Variants in TRPC3 observed in about 807,000 individuals in gnomAD.
TRPC3 encodes transient receptor potential cation channel subfamily C member 3.
A neutral mutation model predicts 90.9 loss-of-function variants in TRPC3; 54 were observed. The ratio of observed to expected loss-of-function variants is 0.59; its 90% CI spans 0.48 to 0.75. The LOEUF is 0.75. TRPC3 is among the 30% of genes least tolerant of loss of function. The probability of loss-of-function intolerance (pLI) is 0.00; values close to 1 mark genes in which losing one functional copy is unlikely to be tolerated. For synonymous variants in TRPC3, 424 were observed against 450.9 expected, an observed-to-expected ratio of 0.94 and a Z score of 0.75; for missense variants, 918 against 1,194.5, an observed-to-expected ratio of 0.77 and a Z score of 3.41.
At chr4:121,882,181 C>A (rs2149103562) in intron 11 of TRPC3, among the ~76,000 whole-genome samples, 173 bp downstream of exon 11, 2 of 152,170 alleles carry the variant, frequency 1.3e-5, no homozygotes, top group Middle Eastern at 3.4e-3. Context: ...TTGTAAATAA[C>A]TGTTTATTTT....
chr4:121,894,381 G>T (rs1728437296), intron 10 of TRPC3, among the ~76,000 whole-genome samples: 1 of 151,874 alleles, frequency 6.6e-6, no homozygotes, highest in Admixed American at 6.6e-5. Context: ...TCTAAAGGGA[G>T]AAATATATCC....
intron 10 of TRPC3, among the ~76,000 whole-genome samples, chr4:121,886,956 C>T (rs901251234): frequency 6.6e-6 from 1 of 152,146 alleles, no homozygotes; most frequent in Non-Finnish European, 1.5e-5. Context: ...AGAGGCAGTT[C>T]CTAAGTTGTT....
chr4:121,903,570 C>A (rs1422352009), intron 8 of TRPC3, among the ~76,000 whole-genome samples: 23 of 152,118 alleles, frequency 1.5e-4, no homozygotes. Context: ...GTCACATAAG[C>A]CCCTGAGTGC....
chr4:121,893,166 T>C (rs538563846), intron 10 of TRPC3, among the ~76,000 whole-genome samples: 85 of 151,036 alleles, frequency 5.6e-4, no homozygotes, highest in Non-Finnish European at 9.5e-4. Context: ...TAGGAAATTC[T>C]GTAAAATAAA....
At chr4:121,886,741 C>A (rs1475962946) in intron 10 of TRPC3, among the ~76,000 whole-genome samples, 1 of 151,920 alleles carries the variant, frequency 6.6e-6, no homozygotes, top group Non-Finnish European at 1.5e-5. Flanking sequence ...ACCTGCAAAC[C>A]TATTGATTGA....
At chr4:121,884,882 C>T (rs1475025927) in intron 10 of TRPC3, among the ~76,000 whole-genome samples, 2 of 152,102 alleles carry the variant, frequency 1.3e-5, no homozygotes, top group Admixed American at 6.6e-5. Context: ...GAACACAGTC[C>T]CCAGTCCAGT....
intron 3 of TRPC3, among the ~76,000 whole-genome samples, chr4:121,923,181 G>A (rs1276402862): frequency 6.6e-6 from 1 of 152,146 alleles, no homozygotes; most frequent in African/African-American, 2.4e-5. Context: ...ATCAGTGGAA[G>A]GGGCCATATG....
chr4:121,907,302 C>G lies in TRPC3; in HGVS notation c.2057+1G>C, dbSNP rs202172262. On this transcript the variant is annotated splice_donor_variant, in intron 7 of 11. Coordinates refer to ENST00000379645, the MANE Select transcript of TRPC3 (RefSeq NM_001130698.2). LOFTEE classifies it high-confidence loss of function. ...CCTGTATAATAAGATATTTTACTTA[C>G]GTGGTAAAAGCAGCATTAACTTTAG... The G allele has an allele frequency of 1.2e-6, 2 of 1,602,100 alleles. No individual in the cohort carries two copies. Among genetic ancestry groups the G allele is most frequent in the East Asian group, 4.5e-5 (2 of 44,802 alleles).
intron 10 of TRPC3, among the ~76,000 whole-genome samples, chr4:121,884,414 G>A (rs1410783788): frequency 6.6e-6 from 1 of 152,020 alleles, no homozygotes. Flanking sequence ...TCAGGTCGGT[G>A]GTGGTTTCAT....
At chr4:121,938,016 A>AT (rs2149147413) in intron 1 of TRPC3, among the ~76,000 whole-genome samples, 1 of 148,056 alleles carries the variant, frequency 6.8e-6, no homozygotes, top group African/African-American at 2.6e-5. Flanking sequence ...GTCTGAATTT[A>AT]TTTAAAAAAA....
At chr4:121,946,544 T>C (rs560453149) in intron 1 of TRPC3, among the ~76,000 whole-genome samples, 1 of 152,306 alleles carries the variant, frequency 6.6e-6, no homozygotes, top group African/African-American at 2.4e-5. Context: ...TTAAATAAGA[T>C]ATTAACCAGA....
At chr4:121,914,403 T>C (rs1370680748) in intron 4 of TRPC3, among the ~76,000 whole-genome samples, 1 of 152,250 alleles carries the variant, frequency 6.6e-6, no homozygotes, top group Non-Finnish European at 1.5e-5. Context: ...TTCTTGGTAC[T>C]ACTGCAGCAG....
At chr4:121,909,744 G>A (rs1729018381) in intron 6 of TRPC3, among the ~76,000 whole-genome samples, 1 of 152,124 alleles carries the variant, frequency 6.6e-6, no homozygotes, top group Admixed American at 6.6e-5. Flanking sequence ...CTGCAGAGCA[G>A]TTTGGCAACT....
At position 121,921,909 on chromosome 4, in the gene TRPC3, GTTTT is replaced by G. The variant is rs1201010547; in HGVS notation, c.1176+3105_1176+3108del. On this transcript the variant is annotated intron_variant, in intron 3 of 11. Coordinates refer to ENST00000379645, the MANE Select transcript of TRPC3 (RefSeq NM_001130698.2). ...AACGAAGGAAGCCTTTGTTTTTTGG[GTTTT>G]TTTTTGTTTTTTTTTTTTTTTTCGA... Among the ~76,000 whole-genome samples the G allele has an allele frequency of 5.8e-5, 7 of 119,682 alleles. No individual in the cohort carries two copies. The East Asian group carries it at 1.7e-3, about 29-fold the overall frequency. 78.5% of individuals were successfully genotyped at this position (119,682 alleles called of 152,430 possible).
intron 3 of TRPC3, among the ~76,000 whole-genome samples, chr4:121,922,913 T>G (rs892262570): frequency 3.9e-5 from 6 of 152,234 alleles, no homozygotes; most frequent in African/African-American, 1.4e-4. Flanking sequence ...TTGTTTTATT[T>G]CAATCTTTAC....
At chr4:121,889,640 C>T (rs1728252790) in intron 10 of TRPC3, among the ~76,000 whole-genome samples, 1 of 152,176 alleles carries the variant, frequency 6.6e-6, no homozygotes, top group African/African-American at 2.4e-5. Flanking sequence ...AAAATTAGTA[C>T]AGCCATTACA....
intron 9 of TRPC3, among the ~76,000 whole-genome samples, chr4:121,900,377 G>A (rs1220603211): frequency 1.3e-5 from 2 of 152,164 alleles, no homozygotes; most frequent in East Asian, 1.9e-4. Context: ...CCACTGTAAG[G>A]TGTGATTCAA....
intron 1 of TRPC3, among the ~76,000 whole-genome samples, chr4:121,941,509 A>G (rs79431743): frequency 0.024 from 3,650 of 152,304 alleles, 142 homozygotes; most frequent in Admixed American, 0.071. Context: ...GTGTTAGACA[A>G]CAGCCACCAT....
intron 1 of TRPC3, among the ~76,000 whole-genome samples, chr4:121,936,614 G>C (rs1730137559): frequency 6.6e-6 from 1 of 152,200 alleles, no homozygotes; most frequent in Non-Finnish European, 1.5e-5. Flanking sequence ...TTTGGAGACA[G>C]AGCCTTTGGG....
Sources: gnomAD v4.1 joint callset for allele counts (sites outside exome capture counted in the v4.1 genomes callset) on GRCh38, gnomAD v4.1.1 for gene constraint, MANE v1.5 for transcripts, NCBI Gene and HGNC (gene_info 2026-07-23, HGNC 2026-07-21) for gene names.